Variants in PTPRB observed in about 807,000 individuals in gnomAD.
PTPRB encodes receptor-type tyrosine-protein phosphatase beta.
PTPRB carries 97 observed loss-of-function variants against 238.1 expected under a neutral mutation model. The observed-to-expected ratio is 0.41, with a 90% CI of 0.35 to 0.48. PTPRB has a LOEUF of 0.48. Among genes scored for constraint, PTPRB ranks in the 20% least tolerant of loss-of-function variants. The pLI is 0.30. For missense variants in PTPRB, 2,292 were observed against 2,681.9 expected (o/e 0.85, Z 3.21); for synonymous variants, 970 against 995.4 (o/e 0.97, Z 0.48).
intron 11 of PTPRB, among the ~76,000 whole-genome samples, chr12:70,574,452 G>T (rs1468937952): frequency 1.3e-5 from 2 of 152,148 alleles, no homozygotes; most frequent in Admixed American, 6.5e-5. Flanking sequence ...TTATGAAGTG[G>T]CATTTTATGC....
Position 70,555,869 on chromosome 12 carries a change from C to T in PTPRB, c.4993+1G>A, listed in dbSNP as rs1877587273. 2 of 1,611,972 alleles carry T rather than the reference C, an allele frequency of 1.2e-6. No individual in the cohort carries two copies. Among genetic ancestry groups the T allele is most frequent in the Non-Finnish European group, 1.7e-6 (2 of 1,179,658 alleles). On this transcript the variant is annotated splice_donor_variant, in intron 19 of 33. Transcript: ENST00000334414. LOFTEE classifies it high-confidence loss of function. ...CTGTGCGCACCTCCAGGGACACTTA[C>T]GGTCTATCATTGTGATAGTGCTGTC... is the stretch of plus-strand genomic sequence containing the variant.
chr12:70,598,760 A>G (rs1883238697), intron 4 of PTPRB, among the ~76,000 whole-genome samples: 1 of 152,242 alleles, frequency 6.6e-6, no homozygotes, highest in Non-Finnish European at 1.5e-5. Context: ...ATGTACTATC[A>G]AGCCAGATAA....
At chr12:70,548,408 T>A (rs1876403237) in intron 21 of PTPRB, among the ~76,000 whole-genome samples, 1 of 147,980 alleles carries the variant, frequency 6.8e-6, no homozygotes, top group Non-Finnish European at 1.5e-5. Context: ...GTAGGAAGGA[T>A]GAAAAAAGCC....
In PTPRB at chr12:70,608,916, C is replaced by A. The variant is rs2583994; in HGVS notation, c.979+153G>T. 9 of 1,129,820 alleles carry A rather than the reference C, an allele frequency of 8.0e-6. No homozygotes were observed. The East Asian group carries it at 1.5e-4, about 19-fold the overall frequency. The allele number at this position is 1,129,820 out of a possible 1,614,324, so 70.0% of individuals were successfully genotyped here. A position where few individuals can be genotyped will look rare whatever the true frequency, so the allele number is the denominator to read the frequency against. On this transcript the variant is annotated intron_variant, in intron 4 of 33. Transcript: ENST00000334414. ...CCACCAAGCTGCTTCTGGCTAGATC[C>A]GAGGAAACCAGACATTTCTGTCAAT...
chr12:70,561,025 G>T, intron 16 of PTPRB, 91 bp from the exon 17 acceptor site: 1 of 1,327,202 alleles, frequency 7.5e-7, no homozygotes, highest in Non-Finnish European at 1.1e-6. Context: ...TTGGGCATGT[G>T]GGTGAGTCGT....
chr12:70,614,324 A>AT (rs1884587489), intron 3 of PTPRB, among the ~76,000 whole-genome samples: 1 of 152,096 alleles, frequency 6.6e-6, no homozygotes. Flanking sequence ...AGTTAATGAG[A>AT]TCTTGGCTTT....
intron 3 of PTPRB, among the ~76,000 whole-genome samples, chr12:70,617,298 A>G (rs1264265832): frequency 6.6e-6 from 1 of 152,240 alleles, no homozygotes; most frequent in Admixed American, 6.5e-5. Context: ...ACTATAGTCC[A>G]TGTTAGAATT....
In PTPRB at chr12:70,538,943, T is replaced by G; in HGVS notation, c.5850A>C (p.Arg1950=). 1.2e-6 allele frequency: 2 copies of G among 1,613,362 alleles called. No individual in the cohort carries two copies. The highest frequency in any genetic ancestry group is 2.2e-5 in the South Asian group (2 of 90,832). Residue 1950 remains arginine, a synonymous_variant, in exon 27 of 34, where the codon CGA becomes CGC. Coordinates refer to ENST00000334414, the MANE Select transcript of PTPRB (RefSeq NM_001109754.4). ...ALLPENRGKN[R]YNNILPYDAT... is the part of the protein sequence containing the mutation. ...ACTTACAGGGCAATATATTGTTGTA[T>G]CGATTTTTCCCTCTATTCTCCGGCA...
intron 3 of PTPRB, among the ~76,000 whole-genome samples, chr12:70,616,199 C>T (rs1884673129): frequency 6.6e-6 from 1 of 152,114 alleles, no homozygotes; most frequent in Non-Finnish European, 1.5e-5. Context: ...CTGCCTCGGC[C>T]TCCCAAAGTG....
intron 33 of PTPRB, among the ~76,000 whole-genome samples, chr12:70,524,097 T>C (rs1871986209): frequency 6.6e-6 from 1 of 151,602 alleles, no homozygotes; most frequent in Non-Finnish European, 1.5e-5. Flanking sequence ...TGCACTCAGC[T>C]AGAATCTTTT....
intron 21 of PTPRB, among the ~76,000 whole-genome samples, chr12:70,551,176 G>T (rs200181693): frequency 1.3e-5 from 2 of 152,178 alleles, no homozygotes; most frequent in Non-Finnish European, 2.9e-5. Flanking sequence ...GATTACAGGC[G>T]TGAGCCTCCA....
chr12:70,582,267 C>T (rs1018850715), intron 9 of PTPRB, among the ~76,000 whole-genome samples: 3 of 151,954 alleles, frequency 2.0e-5, no homozygotes, highest in South Asian at 2.1e-4. Flanking sequence ...GATACAAAAG[C>T]GTTCATTAAA....
At chr12:70,584,111 T>C (rs1172132316) in intron 9 of PTPRB, among the ~76,000 whole-genome samples, 1 of 152,088 alleles carries the variant, frequency 6.6e-6, no homozygotes, top group African/African-American at 2.4e-5. Context: ...AGAGAATGCT[T>C]AAAAGTGAAC....
chr12:70,574,549 T>G (rs1452317770), intron 11 of PTPRB, among the ~76,000 whole-genome samples: 8 of 152,194 alleles, frequency 5.3e-5, no homozygotes, highest in Non-Finnish European at 1.2e-4. Flanking sequence ...AATATCACGT[T>G]AAGTCAATAA....
intron 4 of PTPRB, chr12:70,608,857 G>C: frequency 1.5e-6 from 1 of 652,656 alleles, no homozygotes. Context: ...GTAGCTAGTT[G>C]GCTGTTTTCA....
Position 70,569,952 on chromosome 12 carries a change from T to C in PTPRB, c.3371-14A>G. ...CAGCACTAGGAACTAAAACAGAAAATAAATTTAAAAGTCATCACTTAGAGA... is the reference window on the plus strand; with the variant it reads ...CAGCACTAGGAACTAAAACAGAAAACAAATTTAAAAGTCATCACTTAGAGA... On this transcript the variant is annotated splice_polypyrimidine_tract_variant and intron_variant, in intron 13 of 33. Transcript: ENST00000334414. The C allele has an allele frequency of 6.3e-7, 1 of 1,590,894 alleles. No individual in the cohort carries two copies. The highest frequency in any genetic ancestry group is 2.2e-5 in the East Asian group (1 of 44,646).
intron 14 of PTPRB, 38 bp from the exon 15 acceptor site, chr12:70,566,742 T>C (rs1879355381): frequency 6.3e-7 from 1 of 1,596,302 alleles, no homozygotes; most frequent in Non-Finnish European, 8.5e-7. Context: ...ATACAGATTT[T>C]ATCACTTAGG....
intron 16 of PTPRB, among the ~76,000 whole-genome samples, chr12:70,561,620 G>A (rs958515638): frequency 6.6e-6 from 1 of 152,124 alleles, no homozygotes; most frequent in Non-Finnish European, 1.5e-5. Context: ...GAAGCTTATC[G>A]CTGCTCTTTT....
intron 30 of PTPRB, 68 bp downstream of exon 30, chr12:70,534,765 G>A (rs777872490): frequency 3.5e-5 from 56 of 1,601,426 alleles, no homozygotes; most frequent in Non-Finnish European, 4.3e-5. Flanking sequence ...AGGAACCAGC[G>A]AAAGTGGGGT....
Sources: gnomAD v4.1 joint callset for allele counts (sites outside exome capture counted in the v4.1 genomes callset) on GRCh38, gnomAD v4.1.1 for gene constraint, MANE v1.5 for transcripts, NCBI Gene and HGNC (gene_info 2026-07-23, HGNC 2026-07-21) for gene names.